The following PTPRT variants were observed in gnomAD, a reference collection of about 807,000 sequenced individuals.
PTPRT encodes protein tyrosine phosphatase receptor type T.
A neutral mutation model predicts 176.8 loss-of-function variants in PTPRT; 56 were observed. The ratio of observed to expected loss-of-function variants is 0.32; its 90% confidence interval spans 0.26 to 0.40. The LOEUF is 0.40. Ranked by LOEUF, PTPRT falls within the 10% of genes least tolerant of loss-of-function variation. The probability of loss-of-function intolerance (pLI) is 1.00; values close to 1 mark genes in which losing one functional copy is unlikely to be tolerated. For missense variants in PTPRT, 1,540 were observed against 1,908.2 expected (o/e 0.81, Z 3.60); for synonymous variants, 783 against 739.0 (o/e 1.06, Z -0.96).
rs208217 is a variant in PTPRT at position 42,813,145 on chromosome 20, C to A, written c.215-21679G>T. 1.9e-3 allele frequency among the ~76,000 whole-genome samples: 286 copies of A among 152,142 alleles called. 2 individuals are homozygous for A. The highest frequency in any genetic ancestry group is 6.7e-3 in the African/African-American group (277 of 41,540). ...TGTCATTATTTATGGGCTCTTTAAT[C>A]CTATTAATGCTATTTTGGGCCTCAA... On this transcript the variant is annotated intron_variant, in intron 2 of 30. Transcript: ENST00000373187.
chr20:42,608,560 A>G (rs1016720131), intron 7 of PTPRT, among the ~76,000 whole-genome samples: 1 of 152,142 alleles, frequency 6.6e-6, no homozygotes, highest in Non-Finnish European at 1.5e-5. Flanking sequence ...GCTTTTCTCA[A>G]TATTGTCTGG....
At chr20:42,149,596 G>A (rs1989032453) in intron 17 of PTPRT, among the ~76,000 whole-genome samples, 1 of 151,942 alleles carries the variant, frequency 6.6e-6, no homozygotes, top group South Asian at 2.1e-4. Flanking sequence ...GCTAATTTTT[G>A]TATTTTTAAT....
At position 42,831,548 on chromosome 20, in the gene PTPRT, C is replaced by G. The variant is rs575356761; in HGVS notation, c.215-40082G>C. 4.6e-5 allele frequency among the ~76,000 whole-genome samples: 7 copies of G among 152,214 alleles called. No individual in the cohort carries two copies. The South Asian group carries it at 6.2e-4, about 14-fold the overall frequency. The stretch of plus-strand genomic sequence containing the variant: ...AGAAATGGGATCTAATTAAACTTAA[C>G]AGCTTCTGCACAGCAAAATAAACTA... On this transcript the variant is annotated intron_variant, in intron 2 of 30. Coordinates refer to ENST00000373187, the MANE Select transcript of PTPRT (RefSeq NM_007050.6).
chr20:42,275,190 T>C (rs1488715999), intron 13 of PTPRT, among the ~76,000 whole-genome samples: 2 of 152,260 alleles, frequency 1.3e-5, no homozygotes, highest in Non-Finnish European at 2.9e-5. Flanking sequence ...AGGTGGTTAA[T>C]TTTTGCAAAT....
intron 19 of PTPRT, among the ~76,000 whole-genome samples, chr20:42,121,555 C>T (rs141387594): frequency 4.1e-4 from 63 of 152,204 alleles, no homozygotes; most frequent in African/African-American, 1.2e-3. Flanking sequence ...TGGGTTTGAA[C>T]GCTGGCTCTG....
intron 1 of PTPRT, among the ~76,000 whole-genome samples, chr20:42,923,835 TTTTTC>T (rs1023946008): frequency 5.3e-5 from 8 of 151,262 alleles, no homozygotes; most frequent in African/African-American, 2.0e-4. Flanking sequence ...ATGGGACATT[TTTTTC>T]TTTTCTTTTT....
chr20:42,176,938 T>G (rs888204380), intron 16 of PTPRT, among the ~76,000 whole-genome samples: 13 of 152,230 alleles, frequency 8.5e-5, no homozygotes, highest in African/African-American at 2.9e-4. Context: ...ATATTTAGGC[T>G]GAGTTTGTGG....
rs1395255478 is a variant in PTPRT at position 43,189,664 on chromosome 20, G to A, written c.70C>T (p.Arg24Trp). Residue 24 changes from arginine to tryptophan, a missense_variant, in exon 1 of 31, where the codon CGG (arginine) becomes TGG (tryptophan). Physicochemically the swap from Arg to Trp is moderately radical, Grantham distance 101. Around this residue, in one of 11 missense-constraint regions of PTPRT, gnomAD observed 116 missense variants for 118.5 expected, o/e 0.98. Transcript: ENST00000373187. This position sits in a 1 kb window ranked among gnomAD's most constrained non-coding sequence, Gnocchi z 5.0. ...RLQLPPLPGA[R>W]AQSAAGGCSF... ...CACTCACCTGCGGCGCTCTGAGCCCGGGCGCCGGGCAGTGGCGGCAGCTGC... is the reference window on the plus strand; with the variant it reads ...CACTCACCTGCGGCGCTCTGAGCCCAGGCGCCGGGCAGTGGCGGCAGCTGC... 6 of 1,315,058 alleles carry A rather than the reference G, an allele frequency of 4.6e-6. No individual in the cohort carries two copies. Among genetic ancestry groups the A allele is most frequent in the East Asian group, 3.2e-5 (1 of 31,306 alleles). The allele number at this position is 1,315,058 out of a possible 1,614,324, so 81.5% of individuals were successfully genotyped here. A position where few individuals can be genotyped will look rare whatever the true frequency, so the allele number is the denominator to read the frequency against.
At chr20:42,485,469 C>T (rs1033752133) in intron 7 of PTPRT, among the ~76,000 whole-genome samples, 2 of 152,304 alleles carry the variant, frequency 1.3e-5, no homozygotes, top group East Asian at 1.9e-4. Flanking sequence ...AAAGTCTCAG[C>T]GTAGCTAATT....
chr20:42,572,647 C>T (rs1292598411), intron 7 of PTPRT, among the ~76,000 whole-genome samples: 1 of 152,190 alleles, frequency 6.6e-6, no homozygotes, highest in African/African-American at 2.4e-5. Flanking sequence ...ATACTGTATT[C>T]TTCTCCTTCA....
At chr20:42,248,535 G>T (rs2056494198) in intron 14 of PTPRT, 152 bp downstream of exon 14, 2 of 1,094,034 alleles carry the variant, frequency 1.8e-6, no homozygotes, top group Non-Finnish European at 2.6e-6. Flanking sequence ...GCAACACAAT[G>T]AACCACAGCC....
At chr20:42,132,412 T>C (rs978569299) in intron 18 of PTPRT, among the ~76,000 whole-genome samples, 2 of 152,190 alleles carry the variant, frequency 1.3e-5, no homozygotes, top group African/African-American at 4.8e-5. Context: ...AGGAAATATT[T>C]GCCAAACACG....
intron 30 of PTPRT, among the ~76,000 whole-genome samples, chr20:42,081,204 G>A (rs574530133): frequency 9.2e-5 from 14 of 152,130 alleles, no homozygotes; most frequent in African/African-American, 3.1e-4. Flanking sequence ...AAACTGTAAC[G>A]TGCATACAAG....
At chr20:42,875,970 T>C (rs948014777) in intron 2 of PTPRT, among the ~76,000 whole-genome samples, 3 of 152,224 alleles carry the variant, frequency 2.0e-5, no homozygotes, top group Admixed American at 1.3e-4. Context: ...ACCTGACACA[T>C]AGTAAGCACT....
chr20:42,679,778 C>T (rs1347993174), intron 6 of PTPRT, among the ~76,000 whole-genome samples: 2 of 151,986 alleles, frequency 1.3e-5, no homozygotes, highest in Admixed American at 6.6e-5. Context: ...CATAACAATC[C>T]ATCAGGTTAT....
intron 2 of PTPRT, among the ~76,000 whole-genome samples, chr20:42,825,303 T>C (rs967239927): frequency 1.3e-5 from 2 of 152,106 alleles, no homozygotes; most frequent in Non-Finnish European, 2.9e-5. Flanking sequence ...CACGACAGTA[T>C]TACTGTACTG....
At chr20:42,092,444 A>T (rs532912605) in intron 27 of PTPRT, among the ~76,000 whole-genome samples, 1 of 152,264 alleles carries the variant, frequency 6.6e-6, no homozygotes, top group Non-Finnish European at 1.5e-5. Context: ...CATCTAGGTT[A>T]TAGTAATCTA....
intron 1 of PTPRT, among the ~76,000 whole-genome samples, chr20:42,987,233 C>G (rs773948443): frequency 1.3e-5 from 2 of 152,232 alleles, no homozygotes; most frequent in Non-Finnish European, 2.9e-5. Flanking sequence ...CCCAGCTGCC[C>G]TTGCACTTTC....
intron 13 of PTPRT, among the ~76,000 whole-genome samples, chr20:42,280,616 G>A (rs1357771801): frequency 6.6e-6 from 1 of 152,154 alleles, no homozygotes; most frequent in Non-Finnish European, 1.5e-5. Flanking sequence ...CTTAAGGAAA[G>A]ATGGTAACCT....
Sources: allele counts gnomAD v4.1 joint callset (sites outside exome capture counted in the v4.1 genomes callset), GRCh38; gene constraint gnomAD v4.1.1; regional missense constraint gnomAD v4.1.1; non-coding constraint Gnocchi (gnomAD v3.1); transcripts MANE v1.5; gene names NCBI Gene and HGNC (gene_info 2026-07-23, HGNC 2026-07-21).